Variants in ITGBL1 observed in about 807,000 individuals in gnomAD.
ITGBL1 encodes the protein integrin beta-like protein 1.
ITGBL1 carries 51 observed loss-of-function variants against 68.5 expected under a neutral mutation model. The ratio of observed to expected loss-of-function variants is 0.74; its 90% CI spans 0.59 to 0.94. ITGBL1 has a LOEUF of 0.94. Ranked by LOEUF, ITGBL1 falls within the 40% of genes least tolerant of loss-of-function variation. The pLI is 0.00. For missense variants in ITGBL1, 649 were observed against 647.4 expected, an observed-to-expected ratio of 1.00 and a Z score of -0.03; for synonymous variants, 209 against 227.3, an observed-to-expected ratio of 0.92 and a Z score of 0.72.
chr13:101,559,205 A>G (rs186486813), intron 2 of ITGBL1, among the ~76,000 whole-genome samples: 190 of 152,290 alleles, frequency 1.2e-3, no homozygotes, highest in African/African-American at 4.3e-3. Flanking sequence ...AGATCTGATC[A>G]CAATTAATTG....
chr13:101,466,045 G>A lies in ITGBL1; in HGVS notation c.316+11945G>A, dbSNP rs2048377748. Among the ~76,000 whole-genome samples, 4 of 152,278 alleles carry A rather than the reference G, an allele frequency of 2.6e-5. No homozygotes were observed. In the South Asian group the frequency reaches 8.3e-4, roughly 32 times the overall value. On this transcript the variant is annotated intron_variant, in intron 2 of 10. Coordinates refer to ENST00000376180, the MANE Select transcript of ITGBL1 (RefSeq NM_004791.3). ...GAGTCAGAAAGGCCAAGAAAACTTG[G>A]AGGGGAGGGGATCCTCTTAGTCATC...
chr13:101,619,950 G>A (rs918308528), intron 7 of ITGBL1, among the ~76,000 whole-genome samples: 8 of 152,012 alleles, frequency 5.3e-5, no homozygotes, highest in East Asian at 1.9e-4. Context: ...TAGCTTACTC[G>A]TTGCACCTAT....
intron 7 of ITGBL1, among the ~76,000 whole-genome samples, chr13:101,685,623 A>G (rs929433423): frequency 1.3e-5 from 2 of 152,068 alleles, no homozygotes; most frequent in Non-Finnish European, 2.9e-5. Flanking sequence ...AAAGATTATT[A>G]TATATACCTG....
At chr13:101,638,066 T>C (rs2032235501) in intron 7 of ITGBL1, among the ~76,000 whole-genome samples, 1 of 152,312 alleles carries the variant, frequency 6.6e-6, no homozygotes, top group East Asian at 1.9e-4. Context: ...TGCTATAAAA[T>C]ATATCAAGTA....
intron 2 of ITGBL1, among the ~76,000 whole-genome samples, chr13:101,458,656 T>C (rs553686943): frequency 6.6e-6 from 1 of 152,332 alleles, no homozygotes; most frequent in Admixed American, 6.5e-5. Context: ...TATAAAATGG[T>C]GTAGTATTTG....
chr13:101,533,871 A>G (rs2049525045), intron 2 of ITGBL1, among the ~76,000 whole-genome samples: 1 of 152,220 alleles, frequency 6.6e-6, no homozygotes, highest in Non-Finnish European at 1.5e-5. Context: ...GACACCTTGA[A>G]ATCAAAGAAG....
Position 101,539,052 on chromosome 13 carries a change from T to TC in ITGBL1, c.317-28647_317-28646insC, listed in dbSNP as rs1555357264. Among the ~76,000 whole-genome samples the TC allele has an allele frequency of 4.2e-5, 6 of 142,322 alleles. No individual in the cohort carries two copies. In the South Asian group the frequency reaches 1.1e-3, roughly 26 times the overall value. 93.4% of individuals were successfully genotyped at this position (142,322 alleles called of 152,430 possible). A position where few individuals can be genotyped will look rare whatever the true frequency, so the allele number is the denominator to read the frequency against. On this transcript the variant is annotated intron_variant, in intron 2 of 10. Coordinates refer to ENST00000376180, the MANE Select transcript of ITGBL1 (RefSeq NM_004791.3). ...TTGAGATTTATGCTGTGCTGCTTCTTTTTTTTTTTTTTTTTTTTTTTTAAG... is the reference window on the plus strand; with the variant it reads ...TTGAGATTTATGCTGTGCTGCTTCTTCTTTTTTTTTTTTTTTTTTTTTTAAG...
chr13:101,518,868 T>C (rs559665856), intron 2 of ITGBL1, among the ~76,000 whole-genome samples: 1 of 152,316 alleles, frequency 6.6e-6, no homozygotes, highest in East Asian at 1.9e-4. Flanking sequence ...ATCTCCACTT[T>C]ACAGTTGAGG....
chr13:101,709,631 A>G (rs1044886798), intron 9 of ITGBL1, among the ~76,000 whole-genome samples: 10 of 152,196 alleles, frequency 6.6e-5, no homozygotes, highest in African/African-American at 2.2e-4. Context: ...ATAAGAATAG[A>G]AGCTTTTCAC....
At chr13:101,567,475 A>T (rs2050199639) in intron 2 of ITGBL1, among the ~76,000 whole-genome samples, 1 of 152,110 alleles carries the variant, frequency 6.6e-6, no homozygotes, top group African/African-American at 2.4e-5. Context: ...TAATGTCTTT[A>T]TAAATTAATG....
chr13:101,679,108 A>G (rs2033579425), intron 7 of ITGBL1, among the ~76,000 whole-genome samples: 1 of 151,644 alleles, frequency 6.6e-6, no homozygotes, highest in South Asian at 2.1e-4. Flanking sequence ...CGGTTTCACC[A>G]TGTTGGCCAG....
At chr13:101,546,247 G>T (rs1301803587) in intron 2 of ITGBL1, among the ~76,000 whole-genome samples, 1 of 152,106 alleles carries the variant, frequency 6.6e-6, no homozygotes, top group African/African-American at 2.4e-5. Flanking sequence ...TGGTGCAATT[G>T]CAGTGGGCTA....
chr13:101,539,822 A>G (rs2049656444), intron 2 of ITGBL1, among the ~76,000 whole-genome samples: 1 of 151,662 alleles, frequency 6.6e-6, no homozygotes, highest in South Asian at 2.1e-4. Context: ...GCATTTTTTC[A>G]TGTGTCTTTT....
intron 2 of ITGBL1, among the ~76,000 whole-genome samples, chr13:101,530,675 A>T (rs1228030869): frequency 6.6e-6 from 1 of 152,210 alleles, no homozygotes; most frequent in Non-Finnish European, 1.5e-5. Flanking sequence ...ATTTGTTTGA[A>T]TATGTTTGGT....
chr13:101,554,476 G>A (rs1326097974), intron 2 of ITGBL1, among the ~76,000 whole-genome samples: 1 of 152,214 alleles, frequency 6.6e-6, no homozygotes, highest in Non-Finnish European at 1.5e-5. Flanking sequence ...ATGGTGGGCA[G>A]TCCTTGTGGG....
At chr13:101,456,131 G>A (rs1423233329) in intron 2 of ITGBL1, among the ~76,000 whole-genome samples, 3 of 152,176 alleles carry the variant, frequency 2.0e-5, no homozygotes, top group Admixed American at 6.5e-5. Context: ...CGAAATGCAG[G>A]ACTGAGTCAA....
At chr13:101,598,880 G>C (rs1025436632) in intron 7 of ITGBL1, among the ~76,000 whole-genome samples, 1 of 152,104 alleles carries the variant, frequency 6.6e-6, no homozygotes, top group African/African-American at 2.4e-5. Flanking sequence ...ATTGTGAATA[G>C]TGCCGCAATA....
chr13:101,597,706 C>T (rs2030071344), intron 6 of ITGBL1, among the ~76,000 whole-genome samples: 1 of 152,048 alleles, frequency 6.6e-6, no homozygotes. Flanking sequence ...GTGCACGCCA[C>T]CATGCCTGGC....
At chr13:101,519,705 A>G (rs140277264) in intron 2 of ITGBL1, among the ~76,000 whole-genome samples, 28 of 152,300 alleles carry the variant, frequency 1.8e-4, no homozygotes, top group African/African-American at 6.5e-4. Flanking sequence ...TAATGAGACA[A>G]TAACAGATCC....
Sources: gnomAD v4.1 joint callset for allele counts (sites outside exome capture counted in the v4.1 genomes callset) on GRCh38, gnomAD v4.1.1 for gene constraint, MANE v1.5 for transcripts, NCBI Gene and HGNC (gene_info 2026-07-23, HGNC 2026-07-21) for gene names.